The following ZXDC variants were observed in gnomAD, a reference collection of about 807,000 sequenced individuals.
ZXDC encodes the protein zinc finger protein ZXDC.
ZXDC carries 58 observed loss-of-function variants against 63.6 expected under a neutral mutation model. That is an observed-to-expected ratio of 0.91 (90% confidence interval 0.74 to 1.13). The LOEUF (loss-of-function observed/expected upper bound fraction) is 1.13, where lower values mean the gene tolerates loss of function less well. Ranked by LOEUF, ZXDC falls within the 50% of genes most tolerant of loss-of-function variation. ZXDC has a pLI of 0.00. For synonymous variants in ZXDC, 561 were observed against 496.1 expected, an observed-to-expected ratio of 1.13 and a Z score of -1.74; for missense variants, 1,133 against 1,148.9, an observed-to-expected ratio of 0.99 and a Z score of 0.20.
At position 126,471,700 on chromosome 3, in the gene ZXDC, TA is replaced by T. The variant is rs1193386640; in HGVS notation, c.1139+272del. On this transcript the variant is annotated intron_variant, in intron 3 of 9. Transcript: ENST00000389709. Reference sequence around the variant, plus strand: ...GAAAGCTTATTCTACAATGTTAAGTTAAAAAAAAAACCTGGAATTGTTTTTT... The same window carrying T: ...GAAAGCTTATTCTACAATGTTAAGTTAAAAAAAAACCTGGAATTGTTTTTT... 6.7e-4 allele frequency among the ~76,000 whole-genome samples: 98 copies of T among 146,884 alleles called. 6 individuals are homozygous for T. The East Asian group carries it at 0.018, about 26-fold the overall frequency.
chr3:126,438,588 A>C, intron 9 of ZXDC, 127 bp from the exon 10 acceptor site: 1 of 731,206 alleles, frequency 1.4e-6, no homozygotes, highest in South Asian at 1.9e-5. Flanking sequence ...TCAAAACTAC[A>C]GGCTCCCCTT....
At chr3:126,468,421 A>T (rs1262412260) in intron 4 of ZXDC, among the ~76,000 whole-genome samples, 1 of 152,078 alleles carries the variant, frequency 6.6e-6, no homozygotes, top group Non-Finnish European at 1.5e-5. Flanking sequence ...CTATTGCCCA[A>T]CCCCAAGAAT....
In ZXDC at chr3:126,459,671, C is replaced by T. The variant is rs773536066; in HGVS notation, c.2194G>A (p.Gly732Arg). ...GCCTCACCTGCATTGCTCCCCGCTC[C>T]TCTCTGCTTTTTTTCCTTGGCTAGT... ...IQLAKEKKQR[G>R]AGSNAGASQS... The change falls in exon 7 of 10, where the codon GGA becomes AGA. Residue 732 changes from glycine to arginine, a missense_variant. Physicochemically the swap from Gly to Arg is moderately radical, Grantham distance 125 (BLOSUM62 -2). Coordinates refer to ENST00000389709, the MANE Select transcript of ZXDC (RefSeq NM_025112.5). 1.9e-6 allele frequency: 3 copies of T among 1,614,236 alleles called. No individual in the cohort carries two copies. Among genetic ancestry groups the T allele is most frequent in the African/African-American group, 1.3e-5 (1 of 75,062 alleles).
chr3:126,452,152 G>A, intron 7 of ZXDC: 2 of 985,398 alleles, frequency 2.0e-6, no homozygotes, highest in Non-Finnish European at 2.4e-6. Flanking sequence ...CTGGGCTCCT[G>A]GCTCTGCCAC....
intron 7 of ZXDC, among the ~76,000 whole-genome samples, chr3:126,449,468 A>G (rs536723858): frequency 1.6e-4 from 25 of 152,298 alleles, no homozygotes; most frequent in Non-Finnish European, 3.2e-4. Context: ...CATTTCACAG[A>G]AGGGGATGCT....
rs1032145952 is a variant in ZXDC at position 126,441,948 on chromosome 3, T to C, written c.2213-2A>G. ...TTCTCTGAGTAGACTGTGAGGCTCC[T>C]AAAATGAAATATAAAAACGAGCACA... On this transcript the variant is annotated splice_acceptor_variant, in intron 7 of 9. Transcript: ENST00000389709. LOFTEE classifies it high-confidence loss of function. 4.4e-6 allele frequency: 7 copies of C among 1,586,988 alleles called. No individual in the cohort carries two copies. The highest frequency in any genetic ancestry group is 2.7e-5 in the African/African-American group (2 of 73,940).
chr3:126,453,610 C>A, intron 7 of ZXDC: 1 of 985,440 alleles, frequency 1.0e-6, no homozygotes, highest in African/African-American at 1.7e-5. Context: ...GAAAGCTGAA[C>A]GTGCAGGGAA....
intron 5 of ZXDC, among the ~76,000 whole-genome samples, chr3:126,465,506 T>G (rs1021164513): frequency 6.6e-6 from 1 of 152,202 alleles, no homozygotes; most frequent in African/African-American, 2.4e-5. Context: ...TAGCCTTTGT[T>G]ACTTGGAGAT....
At chr3:126,442,634 G>A (rs1415331721) in intron 7 of ZXDC, 1 of 152,132 alleles carries the variant, frequency 6.6e-6, no homozygotes, top group Non-Finnish European at 1.5e-5. Flanking sequence ...TTATCTACCT[G>A]TAAAATGGGA....
intron 4 of ZXDC, among the ~76,000 whole-genome samples, chr3:126,466,714 T>C (rs1934783622): frequency 6.6e-6 from 1 of 152,132 alleles, no homozygotes; most frequent in African/African-American, 2.4e-5. Flanking sequence ...ATAAAAAATG[T>C]AATCCTAGGA....
chr3:126,445,816 C>T (rs902504841), intron 7 of ZXDC, among the ~76,000 whole-genome samples: 1 of 152,130 alleles, frequency 6.6e-6, no homozygotes, highest in African/African-American at 2.4e-5. Flanking sequence ...GGTGTTCTGT[C>T]CTAGAATCCC....
intron 7 of ZXDC, among the ~76,000 whole-genome samples, chr3:126,449,391 A>G (rs1015958376): frequency 1.3e-5 from 2 of 152,142 alleles, no homozygotes; most frequent in African/African-American, 4.8e-5. Flanking sequence ...CCCTGGGCTA[A>G]GTATTTTGCA....
At chr3:126,459,913 C>T (rs1295037976) in intron 6 of ZXDC, 176 bp from the exon 7 acceptor site, 1 of 985,354 alleles carries the variant, frequency 1.0e-6, no homozygotes, top group Non-Finnish European at 1.2e-6. Context: ...GAGGGCCGAA[C>T]AAACTTGGAG....
Position 126,475,410 on chromosome 3 carries a change from G to T in ZXDC, c.456C>A (p.Gly152=). 8.4e-7 allele frequency: 1 copy of T among 1,185,800 alleles called. No homozygotes were observed. The highest frequency in any genetic ancestry group is 1.6e-5 in the African/African-American group (1 of 61,896). The allele number at this position is 1,185,800 out of a possible 1,614,324, so 73.5% of individuals were successfully genotyped here. A position where few individuals can be genotyped will look rare whatever the true frequency, so the allele number is the denominator to read the frequency against. ...RGVLALSAPP[G]PATAGAAAPR... ...GAGCGGCGGCGCCCGCGGTTGCGGG[G>T]CCGGGCGGCGCAGACAGCGCGAGGA... The change falls in exon 1 of 10, where the codon GGC becomes GGA. Residue 152 remains glycine (G), a synonymous_variant. Transcript: ENST00000389709.
rs1169309708 is a variant in ZXDC, at chr3:126,475,375, G to A, written c.491C>T (p.Ala164Val). 8.0e-7 allele frequency: 1 copy of A among 1,256,630 alleles called. No individual in the cohort carries two copies. Among genetic ancestry groups the A allele is most frequent in the Non-Finnish European group, 1.0e-6 (1 of 998,800 alleles). 77.8% of individuals were successfully genotyped at this position (1,256,630 alleles called of 1,614,324 possible). The stretch of plus-strand genomic sequence containing the variant: ...CGTGCTGGGGCCGGAGGCCTGGGGC[G>A]CGCGGCGGGGAGCGGCGGCGCCCGC... ...ATAGAAAPRR[A>V]PQASGPSTPG... The change falls in exon 1 of 10, where the codon GCG (alanine) becomes GTG (valine). Residue 164 changes from alanine to valine, a missense_variant. Physicochemically the swap from Ala to Val is moderately conservative, Grantham distance 64 (BLOSUM62 0). Transcript: ENST00000389709.
At chr3:126,454,182 C>T (rs1457392766) in intron 7 of ZXDC, 1 of 978,876 alleles carries the variant, frequency 1.0e-6, no homozygotes, top group East Asian at 1.1e-4. Flanking sequence ...CTTTATTAAT[C>T]CCATTTTAAA....
intron 7 of ZXDC, chr3:126,451,114 C>T (rs1182495522): frequency 1.0e-6 from 1 of 985,304 alleles, no homozygotes; most frequent in Non-Finnish European, 1.2e-6. Context: ...TGCTCTATTG[C>T]TCACCATTTT....
chr3:126,459,764 C>T (rs772255649), intron 6 of ZXDC, 27 bp from the exon 7 acceptor site: 1 of 1,614,084 alleles, frequency 6.2e-7, no homozygotes, highest in South Asian at 1.1e-5. Context: ...GCATGTCAGT[C>T]ACTTATCTAG....
rs1420139543 is a variant in ZXDC, at chr3:126,457,147, T to C, written c.2212+2506A>G. 1.2e-5 allele frequency: 6 copies of C among 510,550 alleles called. No homozygotes were observed. The African/African-American group carries it at 1.2e-4, about 10-fold the overall frequency. 31.6% of individuals were successfully genotyped at this position (510,550 alleles called of 1,614,324 possible). On this transcript the variant is annotated intron_variant, in intron 7 of 9. Coordinates refer to ENST00000389709, the MANE Select transcript of ZXDC (RefSeq NM_025112.5). The stretch of plus-strand genomic sequence containing the variant: ...TGGAACCTGGAACAGGGAAGGGCAC[T>C]GGGGGAGTCTGGTCACATTCACATC...
Sources: allele counts gnomAD v4.1 joint callset (sites outside exome capture counted in the v4.1 genomes callset), GRCh38; gene constraint gnomAD v4.1.1; transcripts MANE v1.5; gene names NCBI Gene and HGNC (gene_info 2026-07-23, HGNC 2026-07-21).